GATA6: variants seen among roughly 807,000 people sequenced by gnomAD.
GATA6 encodes GATA binding protein 6.
A neutral mutation model predicts 48.1 loss-of-function variants in GATA6; 11 were observed. The observed-to-expected ratio is 0.23, with a 90% confidence interval of 0.14 to 0.38. The LOEUF (loss-of-function observed/expected upper bound fraction) is 0.38, where lower values mean the gene tolerates loss of function less well. Among genes scored for constraint, GATA6 ranks in the 10% least tolerant of loss-of-function variants. The pLI, the probability that GATA6 is intolerant of heterozygous loss-of-function variation, is 1.00. For missense variants in GATA6, 795 were observed against 850.3 expected (o/e 0.93, Z 0.81); for synonymous variants, 419 against 396.1 (o/e 1.06, Z -0.69).
chr18:22,170,511 C>T lies in GATA6; in HGVS notation c.-37-597C>T, dbSNP rs1304884368. ...TGCATTTCTCTCTGGGGCTCGCGTT[C>T]GGGCTGGTCAGCGCAGTCCGGGAAG... On this transcript the variant is annotated intron_variant, in intron 1 of 6. Transcript: ENST00000269216. The surrounding 1 kb of genome is among the most constrained non-coding windows in gnomAD (Gnocchi z 6.7). Among the ~76,000 whole-genome samples the T allele has an allele frequency of 2.6e-5, 4 of 152,224 alleles. No individual in the cohort carries two copies.
In GATA6 at chr18:22,170,795, G is replaced by C. The variant is rs768945337; in HGVS notation, c.-37-313G>C. On this transcript the variant is annotated intron_variant, in intron 1 of 6. Transcript: ENST00000269216. This position sits in a 1 kb window ranked among gnomAD's most constrained non-coding sequence, Gnocchi z 6.7. The stretch of plus-strand genomic sequence containing the variant: ...CTGCAGATCACCCCTGGGATCTGGC[G>C]CGCGCACGGAGAAAGGATGCGGCCG... 2 of 396,252 alleles carry C rather than the reference G, an allele frequency of 5.0e-6. No individual in the cohort carries two copies. Among genetic ancestry groups the C allele is most frequent in the Non-Finnish European group, 9.2e-6 (2 of 216,898 alleles). The allele number at this position is 396,252 out of a possible 1,614,324, so 24.5% of individuals were successfully genotyped here. A position where few individuals can be genotyped will look rare whatever the true frequency, so the allele number is the denominator to read the frequency against.
chr18:22,197,148 C>T (rs568705794), intron 6 of GATA6, among the ~76,000 whole-genome samples: 75 of 144,338 alleles, frequency 5.2e-4, no homozygotes, highest in Admixed American at 3.6e-3. Context: ...GGTGCAATCT[C>T]GGCTCACTGC....
chr18:22,188,308 G>C (rs914277276), intron 6 of GATA6, among the ~76,000 whole-genome samples: 7 of 152,220 alleles, frequency 4.6e-5, no homozygotes, highest in Non-Finnish European at 8.8e-5. Flanking sequence ...AGAGAGACAG[G>C]TATAGATGTA....
At chr18:22,194,053 G>A (rs1470637024) in intron 6 of GATA6, among the ~76,000 whole-genome samples, 2 of 150,292 alleles carry the variant, frequency 1.3e-5, no homozygotes, top group Non-Finnish European at 2.9e-5. Flanking sequence ...CCAAAAATGA[G>A]TGAAGGCTCC....
chr18:22,199,655 C>A (rs1306571982), intron 6 of GATA6, among the ~76,000 whole-genome samples: 2 of 152,168 alleles, frequency 1.3e-5, no homozygotes, highest in Non-Finnish European at 2.9e-5. Context: ...GTAATCCCAG[C>A]ACTCTGGGAG....
intron 3 of GATA6, among the ~76,000 whole-genome samples, chr18:22,179,429 C>A (rs1457163391): frequency 1.3e-5 from 2 of 152,202 alleles, no homozygotes; most frequent in Non-Finnish European, 2.9e-5. Flanking sequence ...ACTTTTATAA[C>A]CCATTCACCT....
intron 6 of GATA6, among the ~76,000 whole-genome samples, chr18:22,186,469 T>C (rs1408851582): frequency 6.6e-6 from 1 of 152,186 alleles, no homozygotes; most frequent in Admixed American, 6.5e-5. Flanking sequence ...CGGTAGGCAT[T>C]CCCAGCAGGC....
Position 22,171,968 on chromosome 18 carries a change from C to T in GATA6, c.824C>T (p.Ala275Val). The change falls in exon 2 of 7, where the codon GCC (alanine) becomes GTC (valine). Residue 275 changes from alanine (A) to valine (V), a missense_variant. This residue lies in a region of GATA6 where 591 missense variants were observed against 570.0 expected (regional missense o/e 1.04). Coordinates refer to ENST00000269216, the MANE Select transcript of GATA6 (RefSeq NM_005257.6). The surrounding 1 kb of genome is among the most constrained non-coding windows in gnomAD (Gnocchi z 7.1). ...YSPSPPMANGAAREPGGYAAA... is the reference protein window; with the variant it reads ...YSPSPPMANGVAREPGGYAAA... Reference sequence around the variant, plus strand: ...CCCAGCCCGCCCATGGCCAACGGCGCCGCGCGGGAGCCGGGAGGCTACGCG... The same window carrying T: ...CCCAGCCCGCCCATGGCCAACGGCGTCGCGCGGGAGCCGGGAGGCTACGCG... 8.3e-7 allele frequency: 1 copy of T among 1,208,472 alleles called. No individual in the cohort carries two copies. Among genetic ancestry groups the T allele is most frequent in the Non-Finnish European group, 1.0e-6 (1 of 973,686 alleles). The allele number at this position is 1,208,472 out of a possible 1,614,324, so 74.9% of individuals were successfully genotyped here. A position where few individuals can be genotyped will look rare whatever the true frequency, so the allele number is the denominator to read the frequency against.
rs1294486361 is a variant in GATA6 at position 22,196,802 on chromosome 18, C to G, written c.1621-3854C>G. 5.3e-5 allele frequency among the ~76,000 whole-genome samples: 8 copies of G among 152,058 alleles called. No individual in the cohort carries two copies. In the East Asian group the frequency reaches 1.5e-3, roughly 29 times the overall value. The stretch of plus-strand genomic sequence containing the variant: ...ATGAGACTTTTGAATGGCTACAGAA[C>G]ACTTTGATTTATTTTTGCGAAGAAC... On this transcript the variant is annotated intron_variant, in intron 6 of 6. Coordinates refer to ENST00000269216, the MANE Select transcript of GATA6 (RefSeq NM_005257.6).
chr18:22,173,790 C>T (rs1352385102), intron 2 of GATA6, among the ~76,000 whole-genome samples: 1 of 152,240 alleles, frequency 6.6e-6, no homozygotes, highest in African/African-American at 2.4e-5. Context: ...TACAGGCGCG[C>T]GCCGCCACAC....
chr18:22,180,091 A>T (rs1165518396), intron 3 of GATA6: 2 of 151,952 alleles, frequency 1.3e-5, no homozygotes, highest in African/African-American at 2.4e-5. Context: ...TTGGTCCTGA[A>T]TCTTTCTCTG....
intron 6 of GATA6, among the ~76,000 whole-genome samples, chr18:22,184,894 T>C (rs1051873172): frequency 9.2e-5 from 14 of 152,160 alleles, no homozygotes; most frequent in Non-Finnish European, 1.2e-4. Flanking sequence ...GAGCCGCCTC[T>C]CTCCTAGCTG....
At chr18:22,176,577 A>G (rs1567995236) in intron 2 of GATA6, 1 of 175,530 alleles carries the variant, frequency 5.7e-6, no homozygotes, top group East Asian at 1.7e-4. Flanking sequence ...CGGGTTTGGC[A>G]ACGACGTACT....
In GATA6 at chr18:22,172,363, CCT is replaced by C. The variant is rs1387413883; in HGVS notation, c.1135+85_1135+86del. On this transcript the variant is annotated intron_variant, in intron 2 of 6. Coordinates refer to ENST00000269216, the MANE Select transcript of GATA6 (RefSeq NM_005257.6). The surrounding 1 kb of genome is among the most constrained non-coding windows in gnomAD (Gnocchi z 5.2). ...CGTGGAGCAGCTGCTCCACTCGGGC[CCT>C]GTTTTCAGGACTTTCTCGTCCGGGT... 3 of 1,488,588 alleles carry C rather than the reference CCT, an allele frequency of 2.0e-6. No individual in the cohort carries two copies. The highest frequency in any genetic ancestry group is 2.7e-6 in the Non-Finnish European group (3 of 1,119,950). 92.2% of individuals were successfully genotyped at this position (1,488,588 alleles called of 1,614,324 possible).
Position 22,171,201 on chromosome 18 carries a change from G to T in GATA6, c.57G>T (p.Ala19=), listed in dbSNP as rs764489452. 1.9e-6 allele frequency: 3 copies of T among 1,599,676 alleles called. No individual in the cohort carries two copies. Among genetic ancestry groups the T allele is most frequent in the African/African-American group, 2.7e-5 (2 of 74,878 alleles). Residue 19 remains alanine (A), a synonymous_variant, in exon 2 of 7, where the codon GCG becomes GCT. Coordinates refer to ENST00000269216, the MANE Select transcript of GATA6 (RefSeq NM_005257.6). This position sits in a 1 kb window ranked among gnomAD's most constrained non-coding sequence, Gnocchi z 7.1. ...CLPKRFGAAG[A]DASDSRAFPA... Reference sequence around the variant, plus strand: ...CGAAGCGCTTCGGGGCCGCGGGTGCGGACGCCAGCGACTCCAGAGCCTTTC... The same window carrying T: ...CGAAGCGCTTCGGGGCCGCGGGTGCTGACGCCAGCGACTCCAGAGCCTTTC...
chr18:22,181,141 C>T (rs771648437), intron 3 of GATA6, among the ~76,000 whole-genome samples: 1 of 152,098 alleles, frequency 6.6e-6, no homozygotes, highest in Non-Finnish European at 1.5e-5. Context: ...TGATATGATG[C>T]TGGTAAAAGC....
chr18:22,200,755 C>T lies in GATA6; in HGVS notation c.1720C>T (p.Leu574Phe). The change falls in exon 7 of 7, where the codon CTC becomes TTC. Residue 574 changes from leucine to phenylalanine, a missense_variant. Leu to Phe is a conservative substitution (Grantham distance 22). Coordinates refer to ENST00000269216, the MANE Select transcript of GATA6 (RefSeq NM_005257.6). ...GQDGLYIGVS[L>F]ASPAEVTSSV... ...AGATGGGCTCTACATAGGCGTCAGT[C>T]TCGCCTCGCCGGCCGAAGTCACGTC... The T allele has an allele frequency of 6.2e-7, 1 of 1,614,060 alleles. No homozygotes were observed. The highest frequency in any genetic ancestry group is 8.5e-7 in the Non-Finnish European group (1 of 1,180,032).
chr18:22,173,248 G>A (rs934200280), intron 2 of GATA6, among the ~76,000 whole-genome samples: 1 of 152,190 alleles, frequency 6.6e-6, no homozygotes, highest in East Asian at 1.9e-4. Flanking sequence ...AACATTCTGC[G>A]TCCTTGGTGC....
At chr18:22,180,639 A>G (rs1379566329) in intron 3 of GATA6, among the ~76,000 whole-genome samples, 4 of 152,286 alleles carry the variant, frequency 2.6e-5, no homozygotes, top group African/African-American at 9.6e-5. Context: ...GCAGCAGGCA[A>G]TCATGATGGT....
Sources: gnomAD v4.1 joint callset for allele counts (sites outside exome capture counted in the v4.1 genomes callset) on GRCh38, gnomAD v4.1.1 for gene constraint, gnomAD v4.1.1 regional missense constraint, Gnocchi (gnomAD v3.1) non-coding constraint, MANE v1.5 for transcripts, NCBI Gene and HGNC (gene_info 2026-07-23, HGNC 2026-07-21) for gene names.